SUGCT: variants seen among roughly 807,000 people sequenced by gnomAD.
SUGCT encodes the protein succinyl-CoA:glutarate-CoA transferase, also known as succinyl-CoA:glutarate CoA-transferase.
Under a neutral mutation model 55.0 loss-of-function variants are expected in SUGCT, and 41 were observed. The observed-to-expected ratio is 0.74, with a 90% CI of 0.58 to 0.97. The LOEUF is 0.97. Among genes scored for constraint, SUGCT ranks in the 50% least tolerant of loss-of-function variants. The pLI is 0.00. For missense variants in SUGCT, 568 were observed against 547.8 expected (o/e 1.04, Z -0.37); for synonymous variants, 187 against 200.4 (o/e 0.93, Z 0.56).
chr7:40,762,753 T>G (rs1352801524), intron 13 of SUGCT, among the ~76,000 whole-genome samples: 1 of 152,126 alleles, frequency 6.6e-6, no homozygotes, highest in Non-Finnish European at 1.5e-5. Context: ...TCCAAACATG[T>G]TTTCCCCCAA....
At chr7:40,453,341 T>C (rs1040723373) in intron 10 of SUGCT, among the ~76,000 whole-genome samples, 2 of 151,554 alleles carry the variant, frequency 1.3e-5, no homozygotes, top group Non-Finnish European at 2.9e-5. Context: ...TGCTGGGGAG[T>C]GGGATAACTA....
At chr7:40,496,519 T>G (rs1791984397) in intron 12 of SUGCT, 133 bp downstream of exon 12, 2 of 685,252 alleles carry the variant, frequency 2.9e-6, no homozygotes, top group Admixed American at 2.2e-5. Context: ...TGTTTGTGGG[T>G]CTGAGATAAA....
chr7:40,731,107 G>A (rs1786866426), intron 12 of SUGCT, among the ~76,000 whole-genome samples: 1 of 152,176 alleles, frequency 6.6e-6, no homozygotes, highest in Non-Finnish European at 1.5e-5. Flanking sequence ...GCTAGTGGTT[G>A]GTAGGGAATT....
chr7:40,760,816 G>C (rs752576585), intron 13 of SUGCT, among the ~76,000 whole-genome samples: 1 of 151,614 alleles, frequency 6.6e-6, no homozygotes, highest in Non-Finnish European at 1.5e-5. Flanking sequence ...ACGTATTTCA[G>C]TGGCAGCTTT....
the SUGCT span, among the ~76,000 whole-genome samples, chr7:40,869,453 AC>A: frequency 6.6e-6 from 1 of 152,314 alleles, no homozygotes; most frequent in African/African-American, 2.4e-5. Context: ...TCTGCCAACA[AC>A]CTGAATCAGT....
intron 9 of SUGCT, among the ~76,000 whole-genome samples, chr7:40,348,321 G>A (rs1386331956): frequency 6.6e-6 from 1 of 152,226 alleles, no homozygotes; most frequent in Non-Finnish European, 1.5e-5. Context: ...CGGAGCTCTA[G>A]TGGAATTTTC....
At chr7:40,595,462 T>A (rs1203235232) in intron 12 of SUGCT, among the ~76,000 whole-genome samples, 1 of 152,182 alleles carries the variant, frequency 6.6e-6, no homozygotes, top group Non-Finnish European at 1.5e-5. Context: ...GAGCATTTAA[T>A]TGACACGTTG....
intron 12 of SUGCT, among the ~76,000 whole-genome samples, chr7:40,594,844 A>T (rs932238455): frequency 6.6e-6 from 1 of 152,182 alleles, no homozygotes; most frequent in Non-Finnish European, 1.5e-5. Flanking sequence ...TCAAAGCCCC[A>T]TCTGCTCGGC....
At chr7:40,356,921 T>C (rs1009791914) in intron 9 of SUGCT, among the ~76,000 whole-genome samples, 1 of 152,234 alleles carries the variant, frequency 6.6e-6, no homozygotes. Context: ...TCAAATTGAC[T>C]ATTGATATTG....
At chr7:40,613,048 G>A (rs141833687) in intron 12 of SUGCT, among the ~76,000 whole-genome samples, 56 of 152,156 alleles carry the variant, frequency 3.7e-4, no homozygotes, top group South Asian at 1.0e-3. Flanking sequence ...CAGGAGAATC[G>A]CTTGAACCCA....
intron 9 of SUGCT, among the ~76,000 whole-genome samples, chr7:40,330,647 T>C (rs1175279701): frequency 6.6e-6 from 1 of 151,274 alleles, no homozygotes; most frequent in Non-Finnish European, 1.5e-5. Flanking sequence ...TGTGCTTGAG[T>C]GTGTTTTGTG....
At chr7:40,514,706 G>A (rs983731244) in intron 12 of SUGCT, among the ~76,000 whole-genome samples, 4 of 101,654 alleles carry the variant, frequency 3.9e-5, no homozygotes, top group East Asian at 3.2e-4. Context: ...GCGAAACTCC[G>A]TCTCAAAAAA....
chr7:40,976,764 TC>T, the SUGCT span, among the ~76,000 whole-genome samples: 12 of 152,072 alleles, frequency 7.9e-5, no homozygotes, highest in Admixed American at 7.9e-4. Flanking sequence ...AAACCTGAAA[TC>T]CCCTTTTCTC....
intron 12 of SUGCT, among the ~76,000 whole-genome samples, chr7:40,498,594 G>A (rs973023827): frequency 2.0e-5 from 3 of 152,132 alleles, no homozygotes; most frequent in Non-Finnish European, 1.5e-5. Context: ...TAACATAATG[G>A]TTAAGACCAT....
chr7:40,335,784 G>C (rs948689014), intron 9 of SUGCT, among the ~76,000 whole-genome samples: 1 of 152,172 alleles, frequency 6.6e-6, no homozygotes, highest in Non-Finnish European at 1.5e-5. Context: ...CCAACACTAT[G>C]TTGAATAGGA....
intron 12 of SUGCT, among the ~76,000 whole-genome samples, chr7:40,668,205 A>C (rs924794104): frequency 6.6e-6 from 1 of 152,138 alleles, no homozygotes; most frequent in Non-Finnish European, 1.5e-5. Context: ...ACATCTTAGA[A>C]TGTTTCTGTG....
chr7:40,221,573 C>G (rs1160928807), intron 6 of SUGCT, among the ~76,000 whole-genome samples: 2 of 148,780 alleles, frequency 1.3e-5, no homozygotes, highest in Non-Finnish European at 3.0e-5. Context: ...TCACTGCAAG[C>G]TCCGCCTCCC....
At chr7:40,674,992 T>C (rs1378031298) in intron 12 of SUGCT, among the ~76,000 whole-genome samples, 1 of 151,984 alleles carries the variant, frequency 6.6e-6, no homozygotes, top group African/African-American at 2.4e-5. Flanking sequence ...AGTATGACTC[T>C]AGAGTTGAAA....
In SUGCT at chr7:40,516,569, A is replaced by G. The variant is rs191517734; in HGVS notation, c.1089+20183A>G. Among the ~76,000 whole-genome samples the G allele has an allele frequency of 4.3e-3, 662 of 152,198 alleles. 6 individuals carry two copies. The highest frequency in any genetic ancestry group is 0.015 in the African/African-American group (637 of 41,544). ...TTCATTCTTTTGCACGTGAGTAACC[A>G]GTTGGCACAGCACCAGTTATTACAA... On this transcript the variant is annotated intron_variant, in intron 12 of 13. Transcript: ENST00000335693.
Sources: allele counts gnomAD v4.1 joint callset (sites outside exome capture counted in the v4.1 genomes callset), GRCh38; gene constraint gnomAD v4.1.1; transcripts MANE v1.5; gene names NCBI Gene and HGNC (gene_info 2026-07-23, HGNC 2026-07-21).